CELSR1: variants seen among roughly 807,000 people sequenced by gnomAD.
The protein encoded by CELSR1 is cadherin EGF LAG seven-pass G-type receptor 1.
A neutral mutation model predicts 249.1 loss-of-function variants in CELSR1; 110 were observed. That is an observed-to-expected ratio of 0.44 (90% CI 0.38 to 0.52). CELSR1 has a LOEUF of 0.52. Ranked by LOEUF, CELSR1 falls within the 20% of genes least tolerant of loss-of-function variation. The pLI, the probability that CELSR1 is intolerant of heterozygous loss-of-function variation, is 0.00. For synonymous variants in CELSR1, 2,113 were observed against 1,900.0 expected, an observed-to-expected ratio of 1.11 and a Z score of -2.92; for missense variants, 4,109 against 4,296.4, an observed-to-expected ratio of 0.96 and a Z score of 1.22.
chr22:46,365,668 G>A lies in CELSR1; in HGVS notation c.8322C>T (p.Leu2774=), dbSNP rs34184256. The change falls in exon 31 of 35, where the codon CTC becomes CTT. Residue 2774 remains leucine, a synonymous_variant. Coordinates refer to ENST00000674500, the MANE Select transcript of CELSR1 (RefSeq NM_001378328.1). ...CCCTCACCAGCCCAGAGGACACGCC[G>A]AGCTTCTGGATCCCTTCATCCCTAG... ...SIVRDEGIQK[L]GVSSGLVRGS... is the part of the protein sequence containing the mutation. 2.8e-5 allele frequency: 45 copies of A among 1,580,356 alleles called. No individual in the cohort carries two copies. The African/African-American group carries it at 3.9e-4, about 14-fold the overall frequency.
intron 1 of CELSR1, among the ~76,000 whole-genome samples, chr22:46,477,230 A>G (rs2080218093): frequency 6.6e-6 from 1 of 152,170 alleles, no homozygotes; most frequent in African/African-American, 2.4e-5. Flanking sequence ...TGTTTATACC[A>G]TGAGCTAAAT....
Position 46,428,077 on chromosome 22 carries a change from C to T in CELSR1, c.4611+5316G>A, listed in dbSNP as rs1015131754. On this transcript the variant is annotated intron_variant, in intron 5 of 34. Coordinates refer to ENST00000674500, the MANE Select transcript of CELSR1 (RefSeq NM_001378328.1). This position sits in a 1 kb window ranked among gnomAD's most constrained non-coding sequence, Gnocchi z 5.7. ...AATCCCTAATGACAGCAGGACCTAG[C>T]GGTCATCTCAAGGTCATGGAAATCT... Among the ~76,000 whole-genome samples the T allele has an allele frequency of 3.3e-5, 5 of 152,150 alleles. No homozygotes were observed. The highest frequency in any genetic ancestry group is 1.9e-4 in the East Asian group (1 of 5,192).
In CELSR1 at chr22:46,472,456, C is replaced by T. The variant is rs533437639; in HGVS notation, c.3545-8111G>A. On this transcript the variant is annotated intron_variant, in intron 1 of 34. Transcript: ENST00000674500. This position sits in a 1 kb window ranked among gnomAD's most constrained non-coding sequence, Gnocchi z 7.0. ...CCGAGACTCGGTGGCAGGTGATTGG[C>T]GGCTGTGGGTGAAGAGCAGCGCAGC... Among the ~76,000 whole-genome samples, 11 of 152,150 alleles carry T rather than the reference C, an allele frequency of 7.2e-5. No individual in the cohort carries two copies. Among genetic ancestry groups the T allele is most frequent in the African/African-American group, 9.6e-5 (4 of 41,494 alleles).
At chr22:46,502,636 T>G (rs2080478075) in intron 1 of CELSR1, among the ~76,000 whole-genome samples, 1 of 152,138 alleles carries the variant, frequency 6.6e-6, no homozygotes, top group Admixed American at 6.5e-5. Flanking sequence ...TACTTTGCTT[T>G]GTGCTTTACA....
chr22:46,536,628 C>CA lies in CELSR1; in HGVS notation c.542dup (p.Arg182AlafsTer75). On this transcript the variant is annotated frameshift_variant, in exon 1 of 35. Coordinates refer to ENST00000674500, the MANE Select transcript of CELSR1 (RefSeq NM_001378328.1). LOFTEE classifies it high-confidence loss of function. ...CGCGCCGCAGGGCGCACAGCAGACG[C>CA]AGGCGGACCGAGCCGCCCGGCGGCA... 1 of 1,170,854 alleles carries CA rather than the reference C, an allele frequency of 8.5e-7. No individual in the cohort carries two copies. Among genetic ancestry groups the CA allele is most frequent in the Non-Finnish European group, 1.1e-6 (1 of 950,782 alleles). The allele number at this position is 1,170,854 out of a possible 1,614,324, so 72.5% of individuals were successfully genotyped here. A position where few individuals can be genotyped will look rare whatever the true frequency, so the allele number is the denominator to read the frequency against.
At chr22:46,403,063 A>G (rs1456507004) in intron 9 of CELSR1, among the ~76,000 whole-genome samples, 2 of 152,216 alleles carry the variant, frequency 1.3e-5, no homozygotes, top group African/African-American at 4.8e-5. Context: ...GAGGAATTTC[A>G]TAATGATAAC....
intron 2 of CELSR1, among the ~76,000 whole-genome samples, chr22:46,450,979 C>G (rs1288512045): frequency 1.3e-5 from 2 of 152,200 alleles, no homozygotes; most frequent in African/African-American, 4.8e-5. Context: ...ATTACTGGTC[C>G]CTGTTCCTCC....
Position 46,367,135 on chromosome 22 carries a change from G to T in CELSR1, c.8080-17C>A. The T allele has an allele frequency of 6.2e-7, 1 of 1,608,182 alleles. No homozygotes were observed. Among genetic ancestry groups the T allele is most frequent in the East Asian group, 2.2e-5 (1 of 44,806 alleles). ...GAAGGGGCCCTGGAGGGAGGAAGGT[G>T]GGGTCAGCACCTGCTGCTGCCTCCC... On this transcript the variant is annotated splice_polypyrimidine_tract_variant and intron_variant, in intron 28 of 34. Transcript: ENST00000674500.
chr22:46,393,574 C>A lies in CELSR1; in HGVS notation c.5964+568G>T, dbSNP rs1377540726. 1.3e-5 allele frequency among the ~76,000 whole-genome samples: 2 copies of A among 152,052 alleles called. No homozygotes were observed. Among genetic ancestry groups the A allele is most frequent in the Non-Finnish European group, 2.9e-5 (2 of 68,014 alleles). ...CCAACATGGTGAAATCCTGTCTCTA[C>A]TAAAAATACAAAAATTAGCTGGGCA... On this transcript the variant is annotated intron_variant, in intron 14 of 34. Coordinates refer to ENST00000674500, the MANE Select transcript of CELSR1 (RefSeq NM_001378328.1). This position sits in a 1 kb window ranked among gnomAD's most constrained non-coding sequence, Gnocchi z 4.1.
At position 46,478,501 on chromosome 22, in the gene CELSR1, G is replaced by A. The variant is rs1009560251; in HGVS notation, c.3545-14156C>T. ...ATGTTCCCTGGCCCGACGTGTCCAC[G>A]AGCCACTGCCAGCCCAAGAGAGCTG... is the stretch of plus-strand genomic sequence containing the variant. On this transcript the variant is annotated intron_variant, in intron 1 of 34. Coordinates refer to ENST00000674500, the MANE Select transcript of CELSR1 (RefSeq NM_001378328.1). Among the ~76,000 whole-genome samples, 11 of 152,130 alleles carry A rather than the reference G, an allele frequency of 7.2e-5. No homozygotes were observed. In the East Asian group the frequency reaches 9.7e-4, roughly 13 times the overall value.
At chr22:46,400,024 T>A in intron 9 of CELSR1, 122 bp from the exon 10 acceptor site, 2 of 1,073,756 alleles carry the variant, frequency 1.9e-6, no homozygotes, top group Non-Finnish European at 2.7e-6. Context: ...AGATACAAGA[T>A]AGGCTTAAAA....
chr22:46,467,861 G>A (rs138784364), intron 1 of CELSR1, among the ~76,000 whole-genome samples: 24 of 152,044 alleles, frequency 1.6e-4, no homozygotes, highest in Admixed American at 7.9e-4. Context: ...ATGCTGCAGC[G>A]ACTCCTACAA....
chr22:46,497,426 G>A (rs548208884), intron 1 of CELSR1, among the ~76,000 whole-genome samples: 2 of 152,300 alleles, frequency 1.3e-5, no homozygotes, highest in East Asian at 3.9e-4. Context: ...CTGGCAAGGA[G>A]AATCTCTCTC....
chr22:46,513,975 A>T (rs2080600766), intron 1 of CELSR1, among the ~76,000 whole-genome samples: 1 of 151,912 alleles, frequency 6.6e-6, no homozygotes, highest in South Asian at 2.1e-4. Flanking sequence ...TTGTATTCTT[A>T]GTAGAGACGG....
At position 46,367,049 on chromosome 22, in the gene CELSR1, C is replaced by G. The variant is rs143178172; in HGVS notation, c.8149G>C (p.Gly2717Arg). 1.2e-6 allele frequency: 2 copies of G among 1,611,244 alleles called. No individual in the cohort carries two copies. Among genetic ancestry groups the G allele is most frequent in the African/African-American group, 2.7e-5 (2 of 75,010 alleles). Residue 2717 changes from glycine (G) to arginine (R), a missense_variant, in exon 29 of 35, where the codon GGC becomes CGC. Transcript: ENST00000674500. Reference protein sequence around the residue: ...EVRKHLKGVLGGRKLHLEDSA... With the variant: ...EVRKHLKGVLRGRKLHLEDSA... ...TCCTCCAGGTGCAGCTTCCTCCCGC[C>G]GAGCACGCCCTTCAGGTGCTTCCGG...
chr22:46,470,141 C>A (rs754864102), intron 1 of CELSR1, among the ~76,000 whole-genome samples: 90 of 149,142 alleles, frequency 6.0e-4, no homozygotes, highest in Non-Finnish European at 4.2e-4. Flanking sequence ...GGGTCCACTA[C>A]AATAATACAG....
chr22:46,364,582 C>T lies in CELSR1; in HGVS notation c.8709G>A (p.Glu2903=). ...CCCCGCTCTCCTGGTCCGGGGGGTA[C>T]TCTCCACGGTGACTGCCCTGCTCCT... ...HREEQGSHRG[E]YPPDQESGGA... Residue 2903 remains glutamate, a synonymous_variant, in exon 33 of 35, where the codon GAG becomes GAA. Transcript: ENST00000674500. 1 of 1,612,650 alleles carries T rather than the reference C, an allele frequency of 6.2e-7. No homozygotes were observed. The highest frequency in any genetic ancestry group is 8.5e-7 in the Non-Finnish European group (1 of 1,179,908).
At chr22:46,369,832 G>A (rs1431737882) in intron 25 of CELSR1, 28 bp from the exon 26 acceptor site, 2 of 1,603,378 alleles carry the variant, frequency 1.2e-6, no homozygotes, top group South Asian at 1.1e-5. Flanking sequence ...GAAGGGAAGG[G>A]TGAGGGCCAC....
intron 1 of CELSR1, among the ~76,000 whole-genome samples, chr22:46,476,399 C>T (rs1040254930): frequency 7.2e-5 from 11 of 152,020 alleles, no homozygotes; most frequent in African/African-American, 2.4e-4. Flanking sequence ...AGTTCGAGAC[C>T]AGCCTGGGCA....
Sources: allele counts gnomAD v4.1 joint callset (sites outside exome capture counted in the v4.1 genomes callset), GRCh38; gene constraint gnomAD v4.1.1; non-coding constraint Gnocchi (gnomAD v3.1); transcripts MANE v1.5; gene names NCBI Gene and HGNC (gene_info 2026-07-23, HGNC 2026-07-21).